The following PTPRM variants were observed in gnomAD, a reference collection of about 807,000 sequenced individuals.
PTPRM encodes protein tyrosine phosphatase receptor type M.
Under a neutral mutation model 186.7 loss-of-function variants are expected in PTPRM, and 47 were observed. The ratio of observed to expected loss-of-function variants is 0.25; its 90% CI spans 0.20 to 0.32. The LOEUF (loss-of-function observed/expected upper bound fraction) is 0.32, where lower values mean the gene tolerates loss of function less well. Ranked by LOEUF, PTPRM falls within the 10% of genes least tolerant of loss-of-function variation. The pLI is 1.00. For synonymous variants in PTPRM, 668 were observed against 674.9 expected (o/e 0.99, Z 0.16); for missense variants, 1,494 against 1,865.0 (o/e 0.80, Z 3.66).
chr18:8,298,511 C>G (rs538365779), intron 20 of PTPRM, among the ~76,000 whole-genome samples: 1 of 152,258 alleles, frequency 6.6e-6, no homozygotes, highest in African/African-American at 2.4e-5. Flanking sequence ...CTGCTTCTTC[C>G]CAATGTATAG....
chr18:8,369,763 C>G (rs892574499), intron 23 of PTPRM, among the ~76,000 whole-genome samples: 4 of 152,074 alleles, frequency 2.6e-5, no homozygotes, highest in African/African-American at 9.7e-5. Context: ...CAAGACCTGG[C>G]AGCATAGCAA....
At chr18:8,111,080 CT>C (rs1415831807) in intron 11 of PTPRM, among the ~76,000 whole-genome samples, 8 of 152,134 alleles carry the variant, frequency 5.3e-5, no homozygotes. Flanking sequence ...GGCACTTCAC[CT>C]CTACACCTCA....
chr18:8,265,181 T>TTCAGCAGC (rs1416924101), intron 19 of PTPRM, among the ~76,000 whole-genome samples: 51 of 152,360 alleles, frequency 3.3e-4, no homozygotes, highest in African/African-American at 1.2e-3. Flanking sequence ...TCTGCTGTGT[T>TTCAGCAGC]TCAGCAGCTC....
intron 14 of PTPRM, among the ~76,000 whole-genome samples, chr18:8,214,869 G>T (rs1032032869): frequency 3.3e-5 from 5 of 152,082 alleles, no homozygotes; most frequent in African/African-American, 1.2e-4. Context: ...CACCATGTTG[G>T]CCAGGCTGGT....
At position 7,568,058 on chromosome 18, in the gene PTPRM, G is replaced by C. The variant is rs1265695489; in HGVS notation, c.73+167G>C. Among the ~76,000 whole-genome samples the C allele has an allele frequency of 6.6e-5, 10 of 151,942 alleles. No individual in the cohort carries two copies. The highest frequency in any genetic ancestry group is 2.4e-4 in the African/African-American group (10 of 41,502). ...CCTGTGAGCCGGGCGCTGGGCGAGG[G>C]GCCGTGGGGCTGGCAGGCACCCAGT... On this transcript the variant is annotated intron_variant, in intron 1 of 32. Transcript: ENST00000580170. The surrounding 1 kb of genome is among the most constrained non-coding windows in gnomAD (Gnocchi z 5.1).
chr18:7,812,989 T>G (rs761302195), intron 2 of PTPRM, among the ~76,000 whole-genome samples: 15 of 152,344 alleles, frequency 9.8e-5, no homozygotes, highest in Non-Finnish European at 1.9e-4. Context: ...GCTATTCATG[T>G]GCACCTAGCA....
chr18:7,947,352 A>G (rs2052607535), intron 5 of PTPRM, among the ~76,000 whole-genome samples: 1 of 152,202 alleles, frequency 6.6e-6, no homozygotes, highest in East Asian at 1.9e-4. Flanking sequence ...CTGGATGATC[A>G]CTATAGGTTT....
intron 23 of PTPRM, among the ~76,000 whole-genome samples, chr18:8,343,753 A>C (rs1892084765): frequency 6.6e-6 from 1 of 152,256 alleles, no homozygotes; most frequent in South Asian, 2.1e-4. Flanking sequence ...ATTTAAAAGC[A>C]GTTGTTATCG....
At position 7,721,220 on chromosome 18, in the gene PTPRM, GATTAATGATGTTTGGCATCTTTTTATAT is replaced by G. The variant is rs1280399195; in HGVS notation, c.74-52928_74-52901del. On this transcript the variant is annotated intron_variant, in intron 1 of 32. Transcript: ENST00000580170. ...GGGTTTTGATTTGCGTTTCCCTAAT[GATTAATGATGTTTGGCATCTTTTTATAT>G]TCTTTTTGGCCATTTGTATATCTTC... Among the ~76,000 whole-genome samples, 15 of 151,224 alleles carry G rather than the reference GATTAATGATGTTTGGCATCTTTTTATAT, an allele frequency of 9.9e-5. No individual in the cohort carries two copies. In the South Asian group the frequency reaches 3.1e-3, roughly 32 times the overall value.
chr18:8,016,291 G>A (rs1346399138), intron 7 of PTPRM, among the ~76,000 whole-genome samples: 1 of 152,106 alleles, frequency 6.6e-6, no homozygotes, highest in South Asian at 2.1e-4. Flanking sequence ...AGGCTGAGGC[G>A]AGTGGATCAC....
intron 2 of PTPRM, among the ~76,000 whole-genome samples, chr18:7,849,934 T>C (rs2046784527): frequency 6.6e-6 from 1 of 152,218 alleles, no homozygotes; most frequent in Admixed American, 6.5e-5. Context: ...TTTGCTAACA[T>C]GTATTTGTAA....
chr18:7,676,657 GTGTGTA>G (rs1333287732), intron 1 of PTPRM, among the ~76,000 whole-genome samples: 40 of 127,356 alleles, frequency 3.1e-4, no homozygotes, highest in African/African-American at 9.5e-4. Context: ...GTGTGTGTGT[GTGTGTA>G]TGTGTGTGTG....
Position 7,784,864 on chromosome 18 carries a change from G to A in PTPRM, c.196+10593G>A, listed in dbSNP as rs576242400. 1.3e-5 allele frequency among the ~76,000 whole-genome samples: 2 copies of A among 152,268 alleles called. 1 individual carries two copies. Among genetic ancestry groups the A allele is most frequent in the South Asian group, 4.1e-4 (2 of 4,824 alleles). On this transcript the variant is annotated intron_variant, in intron 2 of 32. Coordinates refer to ENST00000580170, the MANE Select transcript of PTPRM (RefSeq NM_001105244.2). ...GTGGTGTTGCAAGTGAATGCTCTGGGGGAAGCTCCATTTGTCTGCTCTGAG... is the reference window on the plus strand; with the variant it reads ...GTGGTGTTGCAAGTGAATGCTCTGGAGGAAGCTCCATTTGTCTGCTCTGAG...
At chr18:8,154,993 T>C (rs2093089923) in intron 14 of PTPRM, 1 of 152,220 alleles carries the variant, frequency 6.6e-6, no homozygotes, top group South Asian at 2.1e-4. Flanking sequence ...TTTAAAGATT[T>C]GACATTTTGA....
chr18:7,995,297 A>C (rs561185592), intron 7 of PTPRM, among the ~76,000 whole-genome samples: 9 of 152,140 alleles, frequency 5.9e-5, no homozygotes, highest in Non-Finnish European at 1.3e-4. Flanking sequence ...GCCTCCCAAC[A>C]AAGAAAAGCC....
intron 1 of PTPRM, among the ~76,000 whole-genome samples, chr18:7,735,781 C>A (rs1240309841): frequency 6.6e-6 from 1 of 152,044 alleles, no homozygotes; most frequent in African/African-American, 2.4e-5. Flanking sequence ...ACTGGGAGTC[C>A]TCATCTAATC....
intron 1 of PTPRM, among the ~76,000 whole-genome samples, chr18:7,772,089 A>G (rs2042293789): frequency 1.3e-5 from 2 of 152,208 alleles, no homozygotes; most frequent in South Asian, 4.1e-4. Context: ...TTGAATTCTA[A>G]ACAGCTGCCA....
In PTPRM at chr18:8,173,266, C is replaced by G. The variant is rs545481885; in HGVS notation, c.2300+29487C>G. Among the ~76,000 whole-genome samples the G allele has an allele frequency of 4.6e-5, 7 of 152,162 alleles. No homozygotes were observed. In the East Asian group the frequency reaches 1.4e-3, roughly 29 times the overall value. ...GAAGAATTTGGCAAGAAGGTGGTGGCAATTATGTTGAAATTTTCAGATATA... is the reference window on the plus strand; with the variant it reads ...GAAGAATTTGGCAAGAAGGTGGTGGGAATTATGTTGAAATTTTCAGATATA... On this transcript the variant is annotated intron_variant, in intron 14 of 32. Coordinates refer to ENST00000580170, the MANE Select transcript of PTPRM (RefSeq NM_001105244.2).
At chr18:8,247,815 G>T (rs757001085) in intron 15 of PTPRM, 30 bp from the exon 16 acceptor site, 1 of 1,518,634 alleles carries the variant, frequency 6.6e-7, no homozygotes, top group East Asian at 2.3e-5. Context: ...CCTCTCTGCT[G>T]CCCCTGACCA....
Sources: gnomAD v4.1 joint callset for allele counts (sites outside exome capture counted in the v4.1 genomes callset) on GRCh38, gnomAD v4.1.1 for gene constraint, Gnocchi (gnomAD v3.1) non-coding constraint, MANE v1.5 for transcripts, NCBI Gene and HGNC (gene_info 2026-07-23, HGNC 2026-07-21) for gene names.